The following TTC34 variants were observed in gnomAD, a reference collection of about 807,000 sequenced individuals.
TTC34 encodes tetratricopeptide repeat protein 34.
A neutral mutation model predicts 40.7 loss-of-function variants in TTC34; 44 were observed. The ratio of observed to expected loss-of-function variants is 1.08; its 90% CI spans 0.85 to 1.39. The LOEUF is 1.39. Ranked by LOEUF, TTC34 falls within the 40% of genes most tolerant of loss-of-function variation. The pLI, the probability that TTC34 is intolerant of heterozygous loss-of-function variation, is 0.00. For synonymous variants in TTC34, 422 were observed against 398.6 expected (o/e 1.06, Z -0.70); for missense variants, 884 against 838.0 (o/e 1.05, Z -0.68).
At chr1:2,644,341 G>A in exon 8 of TTC34, 1 of 1,535,966 alleles carries the variant, frequency 6.5e-7, no homozygotes. Flanking sequence ...ACCTCGGCCA[G>A]GCTCTGCAGG....
chr1:2,751,857 T>G (rs1221083835), intron 6 of TTC34, among the ~76,000 whole-genome samples: 6 of 74,282 alleles, frequency 8.1e-5, no homozygotes, highest in African/African-American at 1.3e-4. Context: ...CACCCCCAAG[T>G]GAGCATCCGA....
chr1:2,789,702 C>T, exon 3 of TTC34: 1 of 1,137,118 alleles, frequency 8.8e-7, no homozygotes, highest in South Asian at 2.1e-5. Flanking sequence ...CAGGCGGTGA[C>T]ATAGTCCAGC....
chr1:2,684,971 T>A (rs1168407370), intron 6 of TTC34, among the ~76,000 whole-genome samples: 1 of 138,080 alleles, frequency 7.2e-6, no homozygotes, highest in East Asian at 2.1e-4. Flanking sequence ...CAGACGAGCA[T>A]CTGACAGCTT....
intron 6 of TTC34, among the ~76,000 whole-genome samples, chr1:2,684,905 C>A (rs201557746): frequency 9.7e-5 from 10 of 102,842 alleles, no homozygotes; most frequent in African/African-American, 2.8e-4. Flanking sequence ...CAGCCTGGAA[C>A]AGCACCCTGC....
chr1:2,764,040 G>T (rs1452793553), intron 6 of TTC34, among the ~76,000 whole-genome samples: 1 of 107,076 alleles, frequency 9.3e-6, no homozygotes, highest in Admixed American at 9.0e-5. Context: ...GCATCTGACC[G>T]CATGGAATGG....
At chr1:2,749,533 AG>A (rs1641249315) in intron 6 of TTC34, among the ~76,000 whole-genome samples, 70 of 75,972 alleles carry the variant, frequency 9.2e-4, no homozygotes, top group East Asian at 2.1e-3. Context: ...TTCCCAGGCA[AG>A]CATCTGAACG....
chr1:2,791,454 T>TCTG (rs1373773912), intron 2 of TTC34, among the ~76,000 whole-genome samples: 1 of 152,112 alleles, frequency 6.6e-6, no homozygotes, highest in Non-Finnish European at 1.5e-5. Flanking sequence ...ACAGCAACAA[T>TCTG]CTGCTGCATT....
chr1:2,765,691 T>G (rs1186604934), intron 6 of TTC34, among the ~76,000 whole-genome samples: 1 of 31,900 alleles, frequency 3.1e-5, no homozygotes, highest in Admixed American at 3.7e-4. Flanking sequence ...GGCGAGCATC[T>G]GACAGCCTGG....
At chr1:2,748,556 C>CG (rs1641220394) in intron 6 of TTC34, among the ~76,000 whole-genome samples, 2 of 147,462 alleles carry the variant, frequency 1.4e-5, no homozygotes, top group African/African-American at 5.0e-5. Flanking sequence ...GAACAGCAAC[C>CG]ACACCACCAT....
intron 6 of TTC34, among the ~76,000 whole-genome samples, chr1:2,649,266 C>A (rs1639078900): frequency 6.6e-6 from 1 of 152,022 alleles, no homozygotes; most frequent in Non-Finnish European, 1.5e-5. Context: ...GAGCATCTGA[C>A]AGCCTAAAAC....
At position 2,750,054 on chromosome 1, in the gene TTC34, A is replaced by T. The variant is rs1388990540; in HGVS notation, c.2226+33555T>A. ...GGAGCAGCACCCACACCCTCAGGTGAGCATCTGACAGCCTGGAGCAGCAGG... is the reference window on the plus strand; with the variant it reads ...GGAGCAGCACCCACACCCTCAGGTGTGCATCTGACAGCCTGGAGCAGCAGG... On this transcript the variant is annotated intron_variant, in intron 6 of 8. Transcript: ENST00000401095. 1.2e-4 allele frequency among the ~76,000 whole-genome samples: 13 copies of T among 107,546 alleles called. 3 individuals carry two copies. Among genetic ancestry groups the T allele is most frequent in the Admixed American group, 5.0e-4 (5 of 10,056 alleles). 70.6% of individuals were successfully genotyped at this position (107,546 alleles called of 152,430 possible).
intron 6 of TTC34, among the ~76,000 whole-genome samples, chr1:2,652,689 C>T (rs1373946128): frequency 6.7e-6 from 1 of 149,338 alleles, no homozygotes; most frequent in African/African-American, 2.5e-5. Context: ...CCCACACCCA[C>T]AGGTGAGCAT....
chr1:2,749,050 G>T (rs1641234344), intron 6 of TTC34, among the ~76,000 whole-genome samples: 2 of 146,308 alleles, frequency 1.4e-5, no homozygotes, highest in Non-Finnish European at 3.0e-5. Context: ...ACCCCCAGGT[G>T]AGAATCCGAC....
chr1:2,687,940 T>A (rs1640440750), intron 6 of TTC34, among the ~76,000 whole-genome samples: 5 of 148,574 alleles, frequency 3.4e-5, no homozygotes, highest in African/African-American at 1.2e-4. Context: ...CAGGTGAGCC[T>A]CTGACAGCCT....
At chr1:2,686,565 C>CA (rs1640359206) in intron 6 of TTC34, among the ~76,000 whole-genome samples, 1 of 148,486 alleles carries the variant, frequency 6.7e-6, no homozygotes, top group Non-Finnish European at 1.5e-5. Flanking sequence ...CGCACACACC[C>CA]AGGTGAGCAT....
At chr1:2,646,099 C>T (rs577211268) in intron 6 of TTC34, among the ~76,000 whole-genome samples, 10 of 152,304 alleles carry the variant, frequency 6.6e-5, no homozygotes, top group African/African-American at 2.4e-4. Context: ...GGAGGGTGCC[C>T]AGCCCATCTG....
intron 6 of TTC34, among the ~76,000 whole-genome samples, chr1:2,683,363 C>A (rs1266237548): frequency 5.3e-4 from 56 of 104,896 alleles, no homozygotes; most frequent in African/African-American, 7.1e-4. Context: ...CCCAGGTGAG[C>A]ATCTGATGGC....
chr1:2,640,779 A>G (rs1158532170), exon 9 of TTC34: 1 of 151,220 alleles, frequency 6.6e-6, no homozygotes, highest in Non-Finnish European at 1.5e-5. Flanking sequence ...AACCTGTCCA[A>G]CCTGTAGGAT....
intron 6 of TTC34, among the ~76,000 whole-genome samples, chr1:2,694,134 G>A (rs1435165492): frequency 2.1e-5 from 3 of 145,098 alleles, no homozygotes; most frequent in Admixed American, 7.0e-5. Context: ...TGACAGCCTG[G>A]AACAGCACAC....
Sources: allele counts gnomAD v4.1 joint callset (sites outside exome capture counted in the v4.1 genomes callset), GRCh38; gene constraint gnomAD v4.1.1; transcripts MANE v1.5; gene names NCBI Gene and HGNC (gene_info 2026-07-23, HGNC 2026-07-21).